Variants in EVL observed in about 807,000 individuals in gnomAD.
EVL encodes the protein Enah/Vasp-like.
Under a neutral mutation model 59.6 loss-of-function variants are expected in EVL, and 21 were observed. The ratio of observed to expected loss-of-function variants is 0.35; its 90% CI spans 0.25 to 0.51. The LOEUF (loss-of-function observed/expected upper bound fraction) is 0.51. Among genes scored for constraint, EVL ranks in the 20% least tolerant of loss-of-function variants. The probability of loss-of-function intolerance (pLI) is 0.97; values close to 1 mark genes in which losing one functional copy is unlikely to be tolerated. For synonymous variants in EVL, 198 were observed against 203.5 expected (o/e 0.97, Z 0.23); for missense variants, 462 against 546.6 (o/e 0.85, Z 1.54).
At chr14:100,116,191 G>A (rs886286748) in intron 3 of EVL, among the ~76,000 whole-genome samples, 9 of 152,216 alleles carry the variant, frequency 5.9e-5, no homozygotes, top group African/African-American at 1.7e-4. Context: ...AAGGTGTGCC[G>A]GGGATGGCCC....
At chr14:100,054,737 G>A (rs1269229061) in intron 1 of EVL, among the ~76,000 whole-genome samples, 1 of 152,168 alleles carries the variant, frequency 6.6e-6, no homozygotes, top group Non-Finnish European at 1.5e-5. Context: ...TGACTCTGGT[G>A]CTTCCCCCGT....
intron 2 of EVL, among the ~76,000 whole-genome samples, chr14:100,096,016 C>T (rs1031957810): frequency 6.6e-6 from 1 of 152,336 alleles, no homozygotes; most frequent in East Asian, 1.9e-4. Flanking sequence ...GTGTGAGCCA[C>T]CATGCCCAGC....
chr14:100,051,943 C>T (rs968132027), intron 1 of EVL, among the ~76,000 whole-genome samples: 2 of 152,192 alleles, frequency 1.3e-5, no homozygotes, highest in African/African-American at 4.8e-5. Context: ...TTACGATCTT[C>T]CTTACCTTAC....
chr14:100,026,545 T>G (rs978388644), intron 1 of EVL, among the ~76,000 whole-genome samples: 2 of 152,092 alleles, frequency 1.3e-5, no homozygotes, highest in Non-Finnish European at 2.9e-5. Context: ...TCCACAGATG[T>G]AGGAAAAGTA....
intron 1 of EVL, among the ~76,000 whole-genome samples, chr14:99,982,557 G>A (rs1343605270): frequency 2.6e-5 from 4 of 152,186 alleles, no homozygotes; most frequent in African/African-American, 9.7e-5. Flanking sequence ...TCAGGAGAGA[G>A]AAGTAAATGG....
At chr14:99,978,524 T>G (rs1392412293) in intron 1 of EVL, among the ~76,000 whole-genome samples, 1 of 152,266 alleles carries the variant, frequency 6.6e-6, no homozygotes, top group Non-Finnish European at 1.5e-5. Flanking sequence ...TTAAAATTGC[T>G]ACAGTTTAAC....
intron 2 of EVL, 68 bp downstream of exon 2, chr14:100,084,923 A>C (rs2062404453): frequency 6.5e-7 from 1 of 1,539,868 alleles, no homozygotes; most frequent in Non-Finnish European, 8.9e-7. Flanking sequence ...CACCCCTTAC[A>C]CACATGTATC....
At chr14:100,120,199 G>A (rs1887608010) in intron 3 of EVL, among the ~76,000 whole-genome samples, 1 of 152,154 alleles carries the variant, frequency 6.6e-6, no homozygotes, top group Non-Finnish European at 1.5e-5. Context: ...CTATATCTCC[G>A]TGGCTCACCT....
chr14:100,009,817 A>G (rs1416879804), intron 1 of EVL, among the ~76,000 whole-genome samples: 1 of 152,252 alleles, frequency 6.6e-6, no homozygotes, highest in Non-Finnish European at 1.5e-5. Context: ...TAAGAAATAC[A>G]TTGGTTTGAT....
chr14:100,087,939 C>CTT lies in EVL; in HGVS notation c.180+3085_180+3086dup, dbSNP rs2062482395. On this transcript the variant is annotated intron_variant, in intron 2 of 13. Coordinates refer to ENST00000392920, the MANE Select transcript of EVL (RefSeq NM_016337.3). ...TCGAAGGAGTAACAAGAGATATTTA[C>CTT]TTGAAGAAGATAGAAACTGAAGGGG... Among the ~76,000 whole-genome samples the CTT allele has an allele frequency of 2.6e-5, 4 of 152,258 alleles. No individual in the cohort carries two copies. The South Asian group carries it at 8.3e-4, about 32-fold the overall frequency.
chr14:100,132,795 G>A lies in EVL; in HGVS notation c.900+16G>A, dbSNP rs373451604. ...AAGCCAAATGGTGAGCAAGCAGCCC[G>A]CCCCACCCTCAGGCTCCCCACTGAG... is the stretch of plus-strand genomic sequence containing the variant. On this transcript the variant is annotated intron_variant, in intron 8 of 13. Coordinates refer to ENST00000392920, the MANE Select transcript of EVL (RefSeq NM_016337.3). 1.4e-5 allele frequency: 23 copies of A among 1,613,668 alleles called. No homozygotes were observed. Among genetic ancestry groups the A allele is most frequent in the African/African-American group, 5.3e-5 (4 of 75,058 alleles).
upstream of EVL, among the ~76,000 whole-genome samples, chr14:100,063,457 T>C (rs188380488): frequency 5.1e-4 from 78 of 152,334 alleles, no homozygotes; most frequent in Admixed American, 2.9e-3. Context: ...ATAATAAGTG[T>C]GTGTTGTTAT....
rs562086928 is a variant in EVL at position 100,105,173 on chromosome 14, C to T, written c.358+7515C>T. ...TTTATTCAGGACACCTCTTTGGTAC[C>T]AGCATCCCTACTAGCACGCTAGTCC... On this transcript the variant is annotated intron_variant, in intron 3 of 13. Coordinates refer to ENST00000392920, the MANE Select transcript of EVL (RefSeq NM_016337.3). 5.9e-5 allele frequency among the ~76,000 whole-genome samples: 9 copies of T among 152,236 alleles called. No homozygotes were observed. The South Asian group carries it at 1.4e-3, about 25-fold the overall frequency.
chr14:99,993,685 CTTTTTTTT>C (rs532512303), intron 1 of EVL, among the ~76,000 whole-genome samples: 8 of 78,264 alleles, frequency 1.0e-4, no homozygotes, highest in African/African-American at 1.8e-4. Context: ...TTCTTTCTTT[CTTTTTTTT>C]TTTTTTTTTT....
chr14:100,124,442 C>T lies in EVL; in HGVS notation c.422+840C>T, dbSNP rs550252099. ...GAAATGAATGCCTTGCAACCTTGGG[C>T]AAGTTCCTGCTCCAAGCCTCCGTTT... On this transcript the variant is annotated intron_variant, in intron 4 of 13. Transcript: ENST00000392920. Among the ~76,000 whole-genome samples, 10 of 152,352 alleles carry T rather than the reference C, an allele frequency of 6.6e-5. No individual in the cohort carries two copies. The South Asian group carries it at 1.9e-3, about 28-fold the overall frequency.
rs2060744508 is a variant in EVL, at chr14:99,972,867, CT to C, written c.5+811del. Among the ~76,000 whole-genome samples, 1 of 151,528 alleles carries C rather than the reference CT, an allele frequency of 6.6e-6. No homozygotes were observed. The highest frequency in any genetic ancestry group is 1.5e-5 in the Non-Finnish European group (1 of 67,972). ...ATCTCGTAAAAACTGTAGTTTGTAA[CT>C]ATAGTTTCGTTTTGCCTGTTTTGTA... On this transcript the variant is annotated intron_variant, in intron 1 of 13. Transcript: ENST00000402714. This position sits in a 1 kb window ranked among gnomAD's most constrained non-coding sequence, Gnocchi z 4.4.
At chr14:100,016,918 G>C (rs993965701) in intron 1 of EVL, among the ~76,000 whole-genome samples, 10 of 152,142 alleles carry the variant, frequency 6.6e-5, no homozygotes, top group African/African-American at 2.4e-4. Flanking sequence ...ACATAAAATA[G>C]CCCAAAAGGG....
At chr14:100,065,593 T>A in intron 1 of EVL, 82 bp downstream of exon 1, 1 of 803,002 alleles carries the variant, frequency 1.2e-6, no homozygotes, top group Non-Finnish European at 1.8e-6. Context: ...CTGTAGAAAT[T>A]ATCTCAGGTC....
chr14:100,140,988 C>T, intron 11 of EVL, 192 bp from the exon 12 acceptor site: 2 of 533,786 alleles, frequency 3.7e-6, no homozygotes, highest in Non-Finnish European at 6.6e-6. Context: ...TCACGGTATC[C>T]ATGGAGACCT....
Sources: gnomAD v4.1 joint callset for allele counts (sites outside exome capture counted in the v4.1 genomes callset) on GRCh38, gnomAD v4.1.1 for gene constraint, Gnocchi (gnomAD v3.1) non-coding constraint, MANE v1.5 for transcripts, NCBI Gene and HGNC (gene_info 2026-07-23, HGNC 2026-07-21) for gene names.